The following NCAM2 variants were observed in gnomAD, a reference collection of about 807,000 sequenced individuals.
NCAM2 encodes neural cell adhesion molecule 2.
A neutral mutation model predicts 98.1 loss-of-function variants in NCAM2; 30 were observed. That is an observed-to-expected ratio of 0.31 (90% CI 0.23 to 0.41). The LOEUF (loss-of-function observed/expected upper bound fraction) is 0.41. Ranked by LOEUF, NCAM2 falls within the 10% of genes least tolerant of loss-of-function variation. The pLI is 1.00. For synonymous variants in NCAM2, 368 were observed against 342.4 expected (o/e 1.07, Z -0.83); for missense variants, 867 against 1,005.8 (o/e 0.86, Z 1.87).
At chr21:21,124,139 G>C (rs933448321) in intron 1 of NCAM2, among the ~76,000 whole-genome samples, 1 of 151,942 alleles carries the variant, frequency 6.6e-6, no homozygotes, top group Non-Finnish European at 1.5e-5. Flanking sequence ...GAGCCACCGC[G>C]CCCGTCCTGA....
intron 8 of NCAM2, among the ~76,000 whole-genome samples, chr21:21,358,233 C>T (rs1459335536): frequency 1.3e-5 from 2 of 152,010 alleles, no homozygotes; most frequent in African/African-American, 2.4e-5. Context: ...TAGTATTCAG[C>T]GTAGTGGGAC....
At chr21:21,339,909 A>T (rs115083284) in intron 8 of NCAM2, among the ~76,000 whole-genome samples, 1 of 151,748 alleles carries the variant, frequency 6.6e-6, no homozygotes, top group African/African-American at 2.4e-5. Context: ...TACTATTTTG[A>T]TATACTTATT....
At chr21:21,342,349 G>A (rs1371219690) in intron 8 of NCAM2, among the ~76,000 whole-genome samples, 1 of 152,204 alleles carries the variant, frequency 6.6e-6, no homozygotes, top group Non-Finnish European at 1.5e-5. Context: ...TAATGTGCTT[G>A]TATCAGATGT....
rs147686660 is a variant in NCAM2, at chr21:21,325,319, T to G, written c.737+819T>G. 6.4e-3 allele frequency among the ~76,000 whole-genome samples: 968 copies of G among 152,326 alleles called. 9 individuals carry two copies. Among genetic ancestry groups the G allele is most frequent in the Non-Finnish European group, 0.011 (757 of 68,020 alleles). On this transcript the variant is annotated intron_variant, in intron 6 of 17. Coordinates refer to ENST00000400546, the MANE Select transcript of NCAM2 (RefSeq NM_004540.5). ...AAAGTGTCCCTACTAAGTATTAGGT[T>G]GTTGTTTTAAAAGTTCTTTGAAGGA... is the stretch of plus-strand genomic sequence containing the variant.
intron 9 of NCAM2, among the ~76,000 whole-genome samples, chr21:21,396,588 T>G (rs1470873798): frequency 6.6e-6 from 1 of 150,378 alleles, no homozygotes; most frequent in Admixed American, 6.6e-5. Context: ...AGGTGGGGAG[T>G]GGTGAGGGGT....
chr21:21,192,792 C>G (rs112012903), intron 1 of NCAM2, among the ~76,000 whole-genome samples: 1,577 of 152,144 alleles, frequency 0.01, 10 homozygotes, highest in Non-Finnish European at 0.018. Context: ...TCACAATGCA[C>G]CTGCAAGTTG....
chr21:21,525,773 TC>T (rs1177293633), intron 16 of NCAM2, among the ~76,000 whole-genome samples: 2 of 152,044 alleles, frequency 1.3e-5, no homozygotes, highest in East Asian at 3.9e-4. Context: ...TATTAGCAAG[TC>T]AAATCCAACA....
At chr21:21,287,001 A>C (rs904506604) in intron 4 of NCAM2, among the ~76,000 whole-genome samples, 2 of 151,946 alleles carry the variant, frequency 1.3e-5, no homozygotes, top group Admixed American at 1.3e-4. Context: ...TTATGGAAAG[A>C]TCCATATAGA....
intron 5 of NCAM2, among the ~76,000 whole-genome samples, chr21:21,293,747 AGTTT>A (rs1330380610): frequency 6.6e-6 from 1 of 151,756 alleles, no homozygotes; most frequent in East Asian, 1.9e-4. Flanking sequence ...GTGGCTATTT[AGTTT>A]GTTAATTATT....
intron 12 of NCAM2, among the ~76,000 whole-genome samples, chr21:21,442,282 G>T (rs1014704489): frequency 5.3e-5 from 8 of 152,146 alleles, no homozygotes; most frequent in African/African-American, 1.7e-4. Context: ...GTTGAGGAGG[G>T]ATGGGAAGAA....
intron 1 of NCAM2, among the ~76,000 whole-genome samples, chr21:21,265,185 AAT>A (rs1401837521): frequency 1.6e-5 from 2 of 123,146 alleles, no homozygotes; most frequent in African/African-American, 5.9e-5. Context: ...ATGTATATAT[AAT>A]ATATGTGTGT....
intron 5 of NCAM2, among the ~76,000 whole-genome samples, chr21:21,310,110 A>G (rs972078558): frequency 2.0e-5 from 3 of 152,174 alleles, no homozygotes; most frequent in African/African-American, 7.2e-5. Context: ...TTAATCTCTC[A>G]TTCTGTACTA....
chr21:21,170,839 G>A (rs924904995), intron 1 of NCAM2, among the ~76,000 whole-genome samples: 1 of 152,108 alleles, frequency 6.6e-6, no homozygotes, highest in Non-Finnish European at 1.5e-5. Flanking sequence ...CCTAGAGGGG[G>A]GAAGGCTGTG....
chr21:21,432,921 A>C (rs375709190), intron 12 of NCAM2, among the ~76,000 whole-genome samples: 2 of 152,212 alleles, frequency 1.3e-5, no homozygotes, highest in East Asian at 3.9e-4. Context: ...ACACAGAACC[A>C]TACTGAGTGT....
chr21:21,070,138 G>A (rs1348986855), intron 1 of NCAM2, among the ~76,000 whole-genome samples: 1 of 151,954 alleles, frequency 6.6e-6, no homozygotes, highest in African/African-American at 2.4e-5. Context: ...ACAGAACCAG[G>A]AGAAACTTAT....
intron 16 of NCAM2, 98 bp downstream of exon 16, chr21:21,509,153 A>G (rs1437529445): frequency 1.7e-6 from 2 of 1,156,346 alleles, no homozygotes. Context: ...GGAGTAGGGT[A>G]AAGAGTTTGA....
rs74956754 is a variant in NCAM2 at position 21,228,721 on chromosome 21, A to G, written c.56-51857A>G. ...ATAAAACTCTTCATAGGAACCATCA[A>G]TATTACTTTGGAGATAGTATTTACA... On this transcript the variant is annotated intron_variant, in intron 1 of 17. Transcript: ENST00000400546. 7.2e-3 allele frequency among the ~76,000 whole-genome samples: 1,085 copies of G among 151,588 alleles called. 5 individuals carry two copies. Among genetic ancestry groups the G allele is most frequent in the Middle Eastern group, 0.01 (3 of 294 alleles).
intron 1 of NCAM2, among the ~76,000 whole-genome samples, chr21:21,130,250 G>A (rs2066907072): frequency 6.6e-6 from 1 of 152,198 alleles, no homozygotes; most frequent in African/African-American, 2.4e-5. Flanking sequence ...TCATCTAGCA[G>A]TTGGTAATAC....
chr21:21,002,973 T>A (rs1465665242), intron 1 of NCAM2, among the ~76,000 whole-genome samples: 1 of 152,154 alleles, frequency 6.6e-6, no homozygotes, highest in African/African-American at 2.4e-5. Context: ...CTTTTATGCT[T>A]TTATTAAATG....
Sources: gnomAD v4.1 joint callset for allele counts (sites outside exome capture counted in the v4.1 genomes callset) on GRCh38, gnomAD v4.1.1 for gene constraint, MANE v1.5 for transcripts, NCBI Gene and HGNC (gene_info 2026-07-23, HGNC 2026-07-21) for gene names.